The following CCT5 variants were observed in gnomAD, a reference collection of about 807,000 sequenced individuals.
CCT5 encodes the protein chaperonin containing TCP1 subunit 5, also known as T-complex protein 1 subunit epsilon.
Under a neutral mutation model 55.0 loss-of-function variants are expected in CCT5, and 6 were observed. The ratio of observed to expected loss-of-function variants is 0.11; its 90% CI spans 0.06 to 0.22. CCT5 has a LOEUF of 0.22. Among genes scored for constraint, CCT5 ranks in the 10% least tolerant of loss-of-function variants. The pLI is 1.00. For synonymous variants in CCT5, 231 were observed against 243.7 expected (o/e 0.95, Z 0.49); for missense variants, 560 against 694.6 (o/e 0.81, Z 2.18).
upstream of CCT5, chr5:10,249,994 C>T (rs1745281207): frequency 1.4e-6 from 2 of 1,455,454 alleles, no homozygotes; most frequent in South Asian, 2.4e-5. Flanking sequence ...AGAAATAGTG[C>T]TTTAAGTCAA....
At chr5:10,254,277 C>T in intron 2 of CCT5, 72 bp downstream of exon 2, 4 of 1,100,320 alleles carry the variant, frequency 3.6e-6, no homozygotes, top group Non-Finnish European at 5.6e-6. Flanking sequence ...AACCTCTCTA[C>T]AGAAAGGTGG....
intron 3 of CCT5, 152 bp from the exon 4 acceptor site, chr5:10,255,803 T>C (rs1205782318): frequency 1.4e-6 from 1 of 708,530 alleles, no homozygotes; most frequent in Non-Finnish European, 2.4e-6. Flanking sequence ...CGAGGCTTTC[T>C]TTTAAAAATA....
upstream of CCT5, chr5:10,249,998 A>C: frequency 6.5e-7 from 1 of 1,541,002 alleles, no homozygotes; most frequent in Non-Finnish European, 8.7e-7. Flanking sequence ...ATAGTGCTTT[A>C]AGTCAATGAA....
Position 10,260,893 on chromosome 5 carries a change from A to C in CCT5, c.975A>C (p.Val325=). The C allele has an allele frequency of 6.2e-7, 1 of 1,614,096 alleles. No homozygotes were observed. Among genetic ancestry groups the C allele is most frequent in the South Asian group, 1.1e-5 (1 of 91,082 alleles). Residue 325 remains valine, a synonymous_variant, in exon 7 of 11, where the codon GTA becomes GTC. Transcript: ENST00000280326. ...ACAACTTGCCTGCGGTTCGCTGGGT[A>C]GGAGGACCTGAAATTGAGGTAGGAT... ...LQNNLPAVRW[V]GGPEIELIAI...
At chr5:10,249,935 C>CAA, upstream of CCT5, 4 of 716,850 alleles carry the variant, frequency 5.6e-6, 1 homozygote, top group Non-Finnish European at 6.9e-6. Flanking sequence ...AAAAAAAAAA[C>CAA]CGGAAATGGG....
chr5:10,250,253 T>C, upstream of CCT5: 1 of 1,597,866 alleles, frequency 6.3e-7, no homozygotes, highest in Non-Finnish European at 8.5e-7. Flanking sequence ...GTGCGCAAGC[T>C]TTTGGGCCCT....
intron 6 of CCT5, among the ~76,000 whole-genome samples, 176 bp downstream of exon 6, chr5:10,258,711 C>T (rs937415219): frequency 6.6e-5 from 10 of 152,164 alleles, no homozygotes; most frequent in Admixed American, 5.2e-4. Context: ...AAAATGGTAG[C>T]GTGTTCAGGC....
chr5:10,261,856 G>C (rs781696673), intron 8 of CCT5, 111 bp downstream of exon 8: 10 of 848,644 alleles, frequency 1.2e-5, no homozygotes, highest in Non-Finnish European at 1.8e-5. Flanking sequence ...AAATAATCGT[G>C]GTTCTCAAAC....
Position 10,254,717 on chromosome 5 carries a change from A to C in CCT5, c.210A>C (p.Val70=), listed in dbSNP as rs1333940043. The change falls in exon 3 of 11, where the codon GTA becomes GTC. Residue 70 remains valine, a synonymous_variant. Transcript: ENST00000280326. ...TGGATAAGGATGGAGATGTGACTGT[A>C]ACTAATGATGGGGCCACCATCTTAA... ...MMVDKDGDVT[V]TNDGATILSM... is the part of the protein sequence containing the mutation. 1 of 1,613,600 alleles carries C rather than the reference A, an allele frequency of 6.2e-7. No homozygotes were observed. Among genetic ancestry groups the C allele is most frequent in the Non-Finnish European group, 8.5e-7 (1 of 1,179,660 alleles).
rs113262482 is a variant in CCT5 at position 10,262,495 on chromosome 5, G to T, written c.1194G>T (p.Ala398=). 1.2e-6 allele frequency: 2 copies of T among 1,613,980 alleles called. No homozygotes were observed. The highest frequency in any genetic ancestry group is 1.7e-6 in the Non-Finnish European group (2 of 1,180,030). ...RGGNKMIIEE[A]KRSLHDALCV... ...GTTTTCCTTAGATCATTGAGGAGGC[G>T]AAACGATCCCTTCACGATGCTTTGT... is the stretch of plus-strand genomic sequence containing the variant. The change falls in exon 9 of 11, where the codon GCG becomes GCT. Residue 398 remains alanine (A), a synonymous_variant. Coordinates refer to ENST00000280326, the MANE Select transcript of CCT5 (RefSeq NM_012073.5).
At chr5:10,257,798 G>T (rs67532425) in intron 4 of CCT5, 102,145 of 402,586 alleles carry the variant, frequency 0.25, 17,304 homozygotes, top group East Asian at 0.82. Flanking sequence ...ATTCTAAGAA[G>T]ACCTTAATTC....
intron 4 of CCT5, among the ~76,000 whole-genome samples, chr5:10,257,392 G>A (rs1745736142): frequency 6.6e-6 from 1 of 152,168 alleles, no homozygotes; most frequent in African/African-American, 2.4e-5. Context: ...CAGTTTTCTT[G>A]TTGCTTTATA....
At chr5:10,257,754 GTAAAA>G (rs1465028458) in intron 4 of CCT5, 12 of 344,468 alleles carry the variant, frequency 3.5e-5, no homozygotes, top group Non-Finnish European at 6.8e-5. Flanking sequence ...TTCTGAACTT[GTAAAA>G]TAGTAACAGT....
At chr5:10,262,686 G>C (rs1252270556) in intron 9 of CCT5, 68 bp downstream of exon 9, 13 of 1,548,606 alleles carry the variant, frequency 8.4e-6, no homozygotes, top group African/African-American at 1.4e-5. Context: ...TGAAGCTGCG[G>C]AACAGCGAGG....
rs1215951935 is a variant in CCT5, at chr5:10,256,096, A to G, written c.473A>G (p.Asp158Gly). ...LDKISDSVLV[D>G]IKDTEPLIQT... ...AAGATCAGCGATAGCGTCCTTGTTG[A>G]CATAAAGGACACCGAACCCCTGATT... The change falls in exon 4 of 11, where the codon GAC (aspartate) becomes GGC (glycine). Residue 158 changes from aspartate (D) to glycine (G), a missense_variant. Physicochemically the swap from Asp to Gly is moderately conservative, Grantham distance 94. Coordinates refer to ENST00000280326, the MANE Select transcript of CCT5 (RefSeq NM_012073.5). 1 of 1,614,002 alleles carries G rather than the reference A, an allele frequency of 6.2e-7. No individual in the cohort carries two copies. Among genetic ancestry groups the G allele is most frequent in the East Asian group, 2.2e-5 (1 of 44,892 alleles).
In CCT5 at chr5:10,258,673, A is replaced by G. The variant is rs1579452446; in HGVS notation, c.873+138A>G. 5 of 793,482 alleles carry G rather than the reference A, an allele frequency of 6.3e-6. No homozygotes were observed. In the Admixed American group the frequency reaches 1.0e-4, roughly 17 times the overall value. 49.2% of individuals were successfully genotyped at this position (793,482 alleles called of 1,614,324 possible). On this transcript the variant is annotated intron_variant, in intron 6 of 10. Coordinates refer to ENST00000280326, the MANE Select transcript of CCT5 (RefSeq NM_012073.5). ...AAAACCAAATTGCATAGAAAGGCATAAACAGGGAAGAATTCTAATTTTGTC... is the reference window on the plus strand; with the variant it reads ...AAAACCAAATTGCATAGAAAGGCATGAACAGGGAAGAATTCTAATTTTGTC...
chr5:10,258,535 A>C lies in CCT5; in HGVS notation c.873A>C (p.Gln291His), dbSNP rs200034738. 13 of 1,613,086 alleles carry C rather than the reference A, an allele frequency of 8.1e-6. No homozygotes were observed. The African/African-American group carries it at 1.5e-4, about 18-fold the overall frequency. ...AGAAATTTGAAGAGATGATTCAACA[A>C]GTAAGTCTTACCAGAGTCCTCAGTG... ...EKEKFEEMIQ[Q>H]IKETGANLAI... The change falls in exon 6 of 11, where the codon CAA (glutamine) becomes CAC (histidine). Residue 291 changes from glutamine to histidine, a missense_variant and splice_region_variant. By Grantham distance (24) the Gln-to-His change is conservative. This residue lies in a region of CCT5 where 256 missense variants were observed against 372.4 expected (regional missense o/e 0.69). Coordinates refer to ENST00000280326, the MANE Select transcript of CCT5 (RefSeq NM_012073.5).
chr5:10,250,042 A>G (rs952305571), upstream of CCT5: 1 of 1,542,162 alleles, frequency 6.5e-7, no homozygotes, highest in Non-Finnish European at 8.7e-7. Flanking sequence ...AGAAACTATC[A>G]GTGGTAACGT....
intron 8 of CCT5, 90 bp from the exon 9 acceptor site, chr5:10,262,391 G>A: frequency 1.4e-6 from 2 of 1,381,806 alleles, no homozygotes; most frequent in Non-Finnish European, 2.1e-6. Flanking sequence ...TTAGAGCACA[G>A]CCTCTCTGTC....
Sources: gnomAD v4.1 joint callset for allele counts (sites outside exome capture counted in the v4.1 genomes callset) on GRCh38, gnomAD v4.1.1 for gene constraint, gnomAD v4.1.1 regional missense constraint, MANE v1.5 for transcripts, NCBI Gene and HGNC (gene_info 2026-07-23, HGNC 2026-07-21) for gene names.